The following PTPRT variants were observed in gnomAD, a reference collection of about 807,000 sequenced individuals.
The protein encoded by PTPRT is receptor-type tyrosine-protein phosphatase T.
Under a neutral mutation model 176.8 loss-of-function variants are expected in PTPRT, and 56 were observed. The ratio of observed to expected loss-of-function variants is 0.32; its 90% confidence interval spans 0.26 to 0.40. The LOEUF is 0.40. Ranked by LOEUF, PTPRT falls within the 10% of genes least tolerant of loss-of-function variation. The pLI is 1.00. For missense variants in PTPRT, 1,540 were observed against 1,908.2 expected (o/e 0.81, Z 3.60); for synonymous variants, 783 against 739.0 (o/e 1.06, Z -0.96).
At chr20:42,802,223 T>C (rs1439102439) in intron 2 of PTPRT, among the ~76,000 whole-genome samples, 1 of 152,224 alleles carries the variant, frequency 6.6e-6, no homozygotes, top group Non-Finnish European at 1.5e-5. Context: ...TGATAACCAC[T>C]GGACTAGCTG....
At chr20:42,186,895 G>T (rs1990804407) in intron 16 of PTPRT, among the ~76,000 whole-genome samples, 1 of 152,054 alleles carries the variant, frequency 6.6e-6, no homozygotes, top group African/African-American at 2.4e-5. Flanking sequence ...ATCAAAACTT[G>T]GTGTTGAACT....
In PTPRT at chr20:42,886,000, G is replaced by A. The variant is rs74776705; in HGVS notation, c.89-68C>T. On this transcript the variant is annotated intron_variant, in intron 1 of 30. Coordinates refer to ENST00000373187, the MANE Select transcript of PTPRT (RefSeq NM_007050.6). Reference sequence around the variant, plus strand: ...AGGCTTGGTTCGTTACCTCTGTCTCGTCGGCTCTTCATTTACAGCTTTGAA... The same window carrying A: ...AGGCTTGGTTCGTTACCTCTGTCTCATCGGCTCTTCATTTACAGCTTTGAA... 1,647 of 1,358,940 alleles carry A rather than the reference G, an allele frequency of 1.2e-3. 23 individuals carry two copies. In the African/African-American group the frequency reaches 0.021, roughly 17 times the overall value. The allele number at this position is 1,358,940 out of a possible 1,614,324, so 84.2% of individuals were successfully genotyped here. A position where few individuals can be genotyped will look rare whatever the true frequency, so the allele number is the denominator to read the frequency against.
chr20:42,045,262 A>G, the PTPRT span, among the ~76,000 whole-genome samples: 13 of 152,048 alleles, frequency 8.5e-5, no homozygotes, highest in Non-Finnish European at 1.5e-4. Flanking sequence ...AGGAGGTACT[A>G]TTAAAGGAGG....
At chr20:42,306,604 C>T (rs1367887560) in intron 12 of PTPRT, among the ~76,000 whole-genome samples, 1 of 152,198 alleles carries the variant, frequency 6.6e-6, no homozygotes, top group Non-Finnish European at 1.5e-5. Flanking sequence ...CGATTCCTTA[C>T]ATAGACTATA....
intron 11 of PTPRT, among the ~76,000 whole-genome samples, chr20:42,319,848 C>A (rs1350263525): frequency 6.6e-6 from 1 of 152,172 alleles, no homozygotes; most frequent in South Asian, 2.1e-4. Context: ...TGAATGACCT[C>A]CCTTTTGGGG....
chr20:42,231,937 T>C (rs1353762908), intron 15 of PTPRT, among the ~76,000 whole-genome samples: 1 of 152,142 alleles, frequency 6.6e-6, no homozygotes, highest in Non-Finnish European at 1.5e-5. Flanking sequence ...GGGGGAAATA[T>C]AGAATTCCTC....
intron 15 of PTPRT, among the ~76,000 whole-genome samples, chr20:42,234,873 G>C (rs903146884): frequency 4.6e-5 from 7 of 152,264 alleles, no homozygotes; most frequent in East Asian, 1.9e-4. Context: ...ACTGAGCAGA[G>C]GGGATGGGGA....
chr20:42,903,909 A>C (rs955305130), intron 1 of PTPRT, among the ~76,000 whole-genome samples: 1 of 152,210 alleles, frequency 6.6e-6, no homozygotes. Flanking sequence ...TAATGTTGAC[A>C]CTTTGTTTCC....
intron 7 of PTPRT, among the ~76,000 whole-genome samples, chr20:42,574,693 C>T (rs1034096012): frequency 2.0e-5 from 3 of 151,872 alleles, no homozygotes; most frequent in African/African-American, 7.3e-5. Context: ...AGGGGTTGGG[C>T]GAAGAAAGGT....
At chr20:42,593,204 C>T (rs950639538) in intron 7 of PTPRT, among the ~76,000 whole-genome samples, 2 of 152,152 alleles carry the variant, frequency 1.3e-5, no homozygotes, top group Non-Finnish European at 2.9e-5. Context: ...CAGGATCCCC[C>T]AAAACCCATC....
intron 1 of PTPRT, among the ~76,000 whole-genome samples, chr20:42,922,914 T>A (rs1012256897): frequency 6.6e-6 from 1 of 152,126 alleles, no homozygotes; most frequent in Non-Finnish European, 1.5e-5. Flanking sequence ...CAAGCCTCCC[T>A]CAGGAAAATC....
intron 2 of PTPRT, among the ~76,000 whole-genome samples, chr20:42,877,154 G>GAA (rs111461366): frequency 0.26 from 39,362 of 150,654 alleles, 5,071 homozygotes; most frequent in African/African-American, 0.28. Context: ...AAAATAAGCA[G>GAA]AAAAAAAAGG....
chr20:43,079,162 C>T (rs1287490608), intron 1 of PTPRT, among the ~76,000 whole-genome samples: 2 of 138,422 alleles, frequency 1.4e-5, no homozygotes, highest in Non-Finnish European at 3.1e-5. Context: ...CTCCCTTTCT[C>T]TCTCTCTCTC....
chr20:42,329,711 C>A (rs2057940305), intron 11 of PTPRT, among the ~76,000 whole-genome samples: 1 of 151,928 alleles, frequency 6.6e-6, no homozygotes, highest in Non-Finnish European at 1.5e-5. Flanking sequence ...TTACATAAAG[C>A]CTATTTTTTT....
chr20:42,068,754 A>G (rs1356826747), downstream of PTPRT, among the ~76,000 whole-genome samples: 1 of 152,200 alleles, frequency 6.6e-6, no homozygotes, highest in Non-Finnish European at 1.5e-5. Flanking sequence ...GATTCACACA[A>G]TAGCTTGGCC....
chr20:42,967,857 A>G (rs1194586826), intron 1 of PTPRT, among the ~76,000 whole-genome samples: 1 of 152,054 alleles, frequency 6.6e-6, no homozygotes, highest in Non-Finnish European at 1.5e-5. Context: ...CCAAAACTCA[A>G]ACCAAAGGCT....
chr20:42,860,369 CT>C (rs1399680393), intron 2 of PTPRT, among the ~76,000 whole-genome samples: 1 of 152,224 alleles, frequency 6.6e-6, no homozygotes, highest in Non-Finnish European at 1.5e-5. Context: ...CCATCATTCT[CT>C]TTTCAACATT....
intron 6 of PTPRT, among the ~76,000 whole-genome samples, chr20:42,704,762 A>G (rs1160279812): frequency 1.3e-5 from 2 of 152,196 alleles, no homozygotes; most frequent in Admixed American, 1.3e-4. Flanking sequence ...CCCAGACTGC[A>G]AAGCTCTCTG....
At chr20:42,428,580 C>G (rs1388272325) in intron 9 of PTPRT, among the ~76,000 whole-genome samples, 1 of 152,134 alleles carries the variant, frequency 6.6e-6, no homozygotes. Context: ...TGTCAGAGCC[C>G]TCCCAAAGCC....
Sources: gnomAD v4.1 joint callset for allele counts (sites outside exome capture counted in the v4.1 genomes callset) on GRCh38, gnomAD v4.1.1 for gene constraint, MANE v1.5 for transcripts, NCBI Gene and HGNC (gene_info 2026-07-23, HGNC 2026-07-21) for gene names.